Variants in REC114 observed in about 807,000 individuals in gnomAD.
REC114 encodes REC114 meiotic recombination protein.
Under a neutral mutation model 31.3 loss-of-function variants are expected in REC114, and 27 were observed. That is an observed-to-expected ratio of 0.86 (90% CI 0.64 to 1.19). The LOEUF (loss-of-function observed/expected upper bound fraction) is 1.19. Among genes scored for constraint, REC114 ranks in the 50% most tolerant of loss-of-function variants. The pLI is 0.00. For missense variants in REC114, 344 were observed against 326.9 expected (o/e 1.05, Z -0.40); for synonymous variants, 134 against 127.7 (o/e 1.05, Z -0.33).
intron 5 of REC114, 147 bp from the exon 6 acceptor site, chr15:73,559,605 G>C (rs988554942): frequency 3.5e-6 from 2 of 565,770 alleles, no homozygotes; most frequent in African/African-American, 3.9e-5. Flanking sequence ...GTAAAACTAT[G>C]TAAAGGAAGC....
intron 1 of REC114, among the ~76,000 whole-genome samples, chr15:73,447,690 G>A (rs965070991): frequency 1.7e-5 from 2 of 119,788 alleles, no homozygotes; most frequent in South Asian, 2.6e-4. Flanking sequence ...TAAATAAATA[G>A]GAAAATACAA....
Position 73,551,267 on chromosome 15 carries a change from AT to A in REC114, c.546+118del, listed in dbSNP as rs1307076631. The A allele has an allele frequency of 1.4e-5, 14 of 1,027,054 alleles. No homozygotes were observed. In the Admixed American group the frequency reaches 3.1e-4, roughly 23 times the overall value. 63.6% of individuals were successfully genotyped at this position (1,027,054 alleles called of 1,614,324 possible). ...TAGGTTTGTAGTTTAAAAAACATCT[AT>A]GTTCGGTGACTTTTTAAAATTGAGG... On this transcript the variant is annotated intron_variant, in intron 4 of 5. Coordinates refer to ENST00000331090, the MANE Select transcript of REC114 (RefSeq NM_001042367.2).
At chr15:73,476,919 G>A (rs1259069080) in intron 2 of REC114, among the ~76,000 whole-genome samples, 1 of 152,310 alleles carries the variant, frequency 6.6e-6, no homozygotes, top group Admixed American at 6.5e-5. Flanking sequence ...GTCATATGGT[G>A]TGTCTGTGTT....
rs1236263227 is a variant in REC114, at chr15:73,469,746, G to A, written c.160-4086G>A. 6.8e-5 allele frequency among the ~76,000 whole-genome samples: 10 copies of A among 147,670 alleles called. No individual in the cohort carries two copies. In the South Asian group the frequency reaches 1.1e-3, roughly 16 times the overall value. ...TTTGCCCAGGCTGGAGTGCAGTGGC[G>A]CGATCTTGGCTCACTGCAAGCTCCA... On this transcript the variant is annotated intron_variant, in intron 1 of 5. Transcript: ENST00000331090.
At chr15:73,523,681 A>C (rs1200442668) in intron 2 of REC114, among the ~76,000 whole-genome samples, 1 of 152,216 alleles carries the variant, frequency 6.6e-6, no homozygotes, top group Non-Finnish European at 1.5e-5. Flanking sequence ...TGCCTTTGGA[A>C]GAGCTGATAC....
intron 3 of REC114, among the ~76,000 whole-genome samples, chr15:73,548,826 C>A (rs969822366): frequency 1.1e-4 from 17 of 152,134 alleles, no homozygotes; most frequent in African/African-American, 4.1e-4. Flanking sequence ...AAATATGGTA[C>A]ATGCACACCA....
At chr15:73,546,974 T>C (rs1894317961) in intron 3 of REC114, among the ~76,000 whole-genome samples, 1 of 152,064 alleles carries the variant, frequency 6.6e-6, no homozygotes, top group African/African-American at 2.4e-5. Context: ...AAGAAAACAC[T>C]GAGGAAACTC....
intron 2 of REC114, among the ~76,000 whole-genome samples, chr15:73,494,733 G>T (rs557538324): frequency 6.6e-6 from 1 of 152,132 alleles, no homozygotes; most frequent in Non-Finnish European, 1.5e-5. Context: ...TATACATCAA[G>T]AACATTTATG....
intron 2 of REC114, among the ~76,000 whole-genome samples, chr15:73,490,136 T>C (rs913803086): frequency 3.3e-5 from 5 of 152,180 alleles, no homozygotes; most frequent in African/African-American, 1.2e-4. Flanking sequence ...TAAGAGAATG[T>C]TTATAAGCAT....
At chr15:73,556,081 A>G (rs16958001) in intron 4 of REC114, among the ~76,000 whole-genome samples, 2,030 of 152,304 alleles carry the variant, frequency 0.013, 55 homozygotes, top group African/African-American at 0.046. Context: ...GGAACATCAA[A>G]TAGAGGTCAG....
At chr15:73,447,005 T>C (rs1264575757) in intron 1 of REC114, among the ~76,000 whole-genome samples, 1 of 152,076 alleles carries the variant, frequency 6.6e-6, no homozygotes, top group Non-Finnish European at 1.5e-5. Context: ...GCAGTAGAGA[T>C]AGGGATATTG....
chr15:73,533,570 T>C (rs1894115052), intron 2 of REC114, among the ~76,000 whole-genome samples: 1 of 151,624 alleles, frequency 6.6e-6, no homozygotes, highest in Non-Finnish European at 1.5e-5. Context: ...AGACTTAGAC[T>C]CCCACACATT....
intron 2 of REC114, among the ~76,000 whole-genome samples, chr15:73,494,621 A>G (rs954853298): frequency 6.6e-6 from 1 of 152,180 alleles, no homozygotes; most frequent in African/African-American, 2.4e-5. Context: ...ATAGGATAAC[A>G]GTTATGCAGC....
In REC114 at chr15:73,559,753, C is replaced by T; in HGVS notation, c.638C>T (p.Thr213Ile). ...GRTSLTQLAQ[T>I]LLASEELPHV... ...ACGACTTTTCTGGTATCCCTGCAGACTCTTCTGGCATCGGAGGAGCTGCCC... is the reference window on the plus strand; with the variant it reads ...ACGACTTTTCTGGTATCCCTGCAGATTCTTCTGGCATCGGAGGAGCTGCCC... The change falls in exon 6 of 6, where the codon ACT becomes ATT. Residue 213 changes from threonine (T) to isoleucine (I), a missense_variant and splice_region_variant. Transcript: ENST00000331090. 1.3e-6 allele frequency: 2 copies of T among 1,561,064 alleles called. No homozygotes were observed. Among genetic ancestry groups the T allele is most frequent in the South Asian group, 2.5e-5 (2 of 80,678 alleles).
intron 2 of REC114, among the ~76,000 whole-genome samples, chr15:73,484,129 A>G (rs186182511): frequency 1.3e-5 from 2 of 152,192 alleles, no homozygotes; most frequent in Non-Finnish European, 2.9e-5. Flanking sequence ...ACATGCATAC[A>G]CATCCTCCAC....
intron 3 of REC114, among the ~76,000 whole-genome samples, chr15:73,541,245 C>T (rs1048640746): frequency 2.0e-4 from 30 of 152,046 alleles, no homozygotes; most frequent in African/African-American, 6.3e-4. Flanking sequence ...TTTTCACTGA[C>T]CTCTAATTGA....
At chr15:73,514,406 G>A (rs1282641721) in intron 2 of REC114, among the ~76,000 whole-genome samples, 1 of 151,988 alleles carries the variant, frequency 6.6e-6, no homozygotes, top group Non-Finnish European at 1.5e-5. Context: ...CCCGTCTTCT[G>A]CGTCGCTCAC....
chr15:73,523,170 G>C (rs1893959653), intron 2 of REC114, among the ~76,000 whole-genome samples: 1 of 152,094 alleles, frequency 6.6e-6, no homozygotes, highest in African/African-American at 2.4e-5. Flanking sequence ...TCCTTCATCA[G>C]ATATGTGATA....
chr15:73,464,148 T>TA (rs939127665), intron 1 of REC114, among the ~76,000 whole-genome samples: 6 of 152,072 alleles, frequency 3.9e-5, no homozygotes, highest in Non-Finnish European at 5.9e-5. Flanking sequence ...TGTATCTTGT[T>TA]ACACATGATT....
Sources: allele counts gnomAD v4.1 joint callset (sites outside exome capture counted in the v4.1 genomes callset), GRCh38; gene constraint gnomAD v4.1.1; transcripts MANE v1.5; gene names NCBI Gene and HGNC (gene_info 2026-07-23, HGNC 2026-07-21).